The following GLG1 variants were observed in gnomAD, a reference collection of about 807,000 sequenced individuals.
GLG1 encodes the protein Golgi apparatus protein 1.
GLG1 carries 38 observed loss-of-function variants against 160.5 expected under a neutral mutation model. The observed-to-expected ratio is 0.24, with a 90% CI of 0.18 to 0.31. GLG1 has a LOEUF of 0.31. Ranked by LOEUF, GLG1 falls within the 10% of genes least tolerant of loss-of-function variation. The probability of loss-of-function intolerance (pLI) is 1.00; values close to 1 mark genes in which losing one functional copy is unlikely to be tolerated. For missense variants in GLG1, 1,373 were observed against 1,505.2 expected (o/e 0.91, Z 1.45); for synonymous variants, 644 against 543.4 (o/e 1.19, Z -2.57).
intron 1 of GLG1, among the ~76,000 whole-genome samples, chr16:74,552,070 T>G (rs895771679): frequency 6.6e-6 from 1 of 151,458 alleles, no homozygotes; most frequent in African/African-American, 2.4e-5. Context: ...ATGTGGAAAA[T>G]AGGTTATATA....
At chr16:74,587,233 TGA>T (rs1958075331) in intron 1 of GLG1, among the ~76,000 whole-genome samples, 2 of 152,146 alleles carry the variant, frequency 1.3e-5, no homozygotes, top group South Asian at 4.1e-4. Flanking sequence ...GGTGAGCCGA[TGA>T]TTACCTAGCT....
chr16:74,453,355 G>A, intron 25 of GLG1, 21 bp from the exon 26 acceptor site: 1 of 1,562,008 alleles, frequency 6.4e-7, no homozygotes, highest in Non-Finnish European at 8.8e-7. Context: ...ACAAGGCAAT[G>A]TGATTCTCTG....
At chr16:74,532,194 ATATATAT>A in intron 1 of GLG1, 41 bp from the exon 2 acceptor site, 2 of 334,172 alleles carry the variant, frequency 6.0e-6, no homozygotes, top group South Asian at 7.6e-5. Context: ...AAAAAAAAAA[ATATATAT>A]ATATATATAT....
At chr16:74,508,084 C>A (rs1463183010) in intron 3 of GLG1, among the ~76,000 whole-genome samples, 1 of 151,998 alleles carries the variant, frequency 6.6e-6, no homozygotes, top group African/African-American at 2.4e-5. Context: ...CATAATGACA[C>A]AAGGAACACA....
At chr16:74,534,042 G>A (rs1393692163) in intron 1 of GLG1, among the ~76,000 whole-genome samples, 2 of 152,138 alleles carry the variant, frequency 1.3e-5, no homozygotes, top group Non-Finnish European at 2.9e-5. Flanking sequence ...AATTCAGTAG[G>A]CATTAGCAAC....
rs567550119 is a variant in GLG1 at position 74,504,063 on chromosome 16, A to G, written c.559-317T>C. The stretch of plus-strand genomic sequence containing the variant: ...AAATGCAGTGAAAAGAGCTGTTAAC[A>G]TCTACAGCTTTGGCATGGTCCTATG... On this transcript the variant is annotated intron_variant, in intron 3 of 25. Coordinates refer to ENST00000422840, the MANE Select transcript of GLG1 (RefSeq NM_001145667.2). 7.9e-5 allele frequency among the ~76,000 whole-genome samples: 12 copies of G among 152,342 alleles called. No homozygotes were observed. In the South Asian group the frequency reaches 1.9e-3, roughly 24 times the overall value.
At position 74,447,573 on chromosome 16, in the gene GLG1, T is replaced by G. The variant is rs2014116657; in HGVS notation, c.*5594A>C. ...TGTAAAAACAAGGGACCACCACGAT[T>G]TTATACATAGAAAGGAAACCCATTT... On this transcript the variant is annotated 3_prime_UTR_variant, in exon 26 of 26. Transcript: ENST00000422840. 2 of 152,248 alleles carry G rather than the reference T, an allele frequency of 1.3e-5. No homozygotes were observed. The highest frequency in any genetic ancestry group is 1.3e-4 in the Admixed American group (2 of 15,286). The allele number at this position is 152,248 out of a possible 1,614,324, so 9.4% of individuals were successfully genotyped here. A position where few individuals can be genotyped will look rare whatever the true frequency, so the allele number is the denominator to read the frequency against.
chr16:74,483,715 G>A (rs1456615533), intron 9 of GLG1, among the ~76,000 whole-genome samples: 3 of 150,294 alleles, frequency 2.0e-5, no homozygotes, highest in African/African-American at 7.4e-5. Context: ...CTGGAGTGCA[G>A]TGGCGCAACC....
At chr16:74,501,433 T>C (rs552133936) in intron 4 of GLG1, among the ~76,000 whole-genome samples, 2 of 152,342 alleles carry the variant, frequency 1.3e-5, no homozygotes, top group East Asian at 3.9e-4. Context: ...GGAACAATTT[T>C]TATTATTTTA....
chr16:74,567,213 G>C (rs1312461961), intron 1 of GLG1, among the ~76,000 whole-genome samples: 1 of 148,114 alleles, frequency 6.8e-6, no homozygotes, highest in South Asian at 2.1e-4. Context: ...GAGAGAGACA[G>C]AGAGAGAGAG....
chr16:74,471,444 A>T (rs2015204932), intron 14 of GLG1, among the ~76,000 whole-genome samples, 158 bp from the exon 15 acceptor site: 1 of 152,228 alleles, frequency 6.6e-6, no homozygotes, highest in Non-Finnish European at 1.5e-5. Context: ...GAAGAATCAC[A>T]ATGGTATACA....
chr16:74,566,654 T>C (rs555061861), intron 1 of GLG1, among the ~76,000 whole-genome samples: 1 of 152,346 alleles, frequency 6.6e-6, no homozygotes, highest in East Asian at 1.9e-4. Flanking sequence ...CTGTTGTAAT[T>C]TGCCTTTTAT....
chr16:74,600,727 A>T (rs1343079512), intron 1 of GLG1, among the ~76,000 whole-genome samples: 2 of 83,344 alleles, frequency 2.4e-5, no homozygotes, highest in Admixed American at 1.4e-4. Flanking sequence ...GAAAGATTCC[A>T]CCTCAAAAAA....
chr16:74,590,278 C>A (rs1254547308), intron 1 of GLG1, among the ~76,000 whole-genome samples: 5 of 151,972 alleles, frequency 3.3e-5, no homozygotes, highest in Non-Finnish European at 7.4e-5. Flanking sequence ...GGATTACAAG[C>A]GTGAGCCACC....
intron 1 of GLG1, among the ~76,000 whole-genome samples, chr16:74,592,496 T>C (rs756662884): frequency 2.0e-5 from 3 of 152,180 alleles, no homozygotes; most frequent in Non-Finnish European, 2.9e-5. Context: ...AAGGATTATA[T>C]AAAGGGTGTG....
intron 1 of GLG1, among the ~76,000 whole-genome samples, chr16:74,584,898 G>C (rs1958012087): frequency 7.4e-6 from 1 of 134,508 alleles, no homozygotes; most frequent in Non-Finnish European, 1.6e-5. Flanking sequence ...CCTGGCGACA[G>C]AGCGAGACTT....
intron 5 of GLG1, among the ~76,000 whole-genome samples, chr16:74,495,706 T>C (rs1028185261): frequency 4.6e-5 from 7 of 152,208 alleles, no homozygotes; most frequent in African/African-American, 7.2e-5. Flanking sequence ...GTTTTAGCCA[T>C]TGAATAGATG....
chr16:74,539,252 C>T (rs2017767730), intron 1 of GLG1, among the ~76,000 whole-genome samples: 1 of 150,560 alleles, frequency 6.6e-6, no homozygotes, highest in Non-Finnish European at 1.5e-5. Flanking sequence ...ACTTTTATTA[C>T]TTGTGTGCTT....
At chr16:74,579,558 C>T (rs573706135) in intron 1 of GLG1, among the ~76,000 whole-genome samples, 3 of 151,412 alleles carry the variant, frequency 2.0e-5, no homozygotes, top group African/African-American at 4.9e-5. Flanking sequence ...CCCATCACTA[C>T]TAAAAATACA....
Sources: allele counts gnomAD v4.1 joint callset (sites outside exome capture counted in the v4.1 genomes callset), GRCh38; gene constraint gnomAD v4.1.1; transcripts MANE v1.5; gene names NCBI Gene and HGNC (gene_info 2026-07-23, HGNC 2026-07-21).